FGF12: variants seen among roughly 807,000 people sequenced by gnomAD.
FGF12 encodes fibroblast growth factor 12B.
Under a neutral mutation model 23.6 loss-of-function variants are expected in FGF12, and 14 were observed. The ratio of observed to expected loss-of-function variants is 0.59; its 90% CI spans 0.39 to 0.93. FGF12 has a LOEUF of 0.93. FGF12 is among the 40% of genes least tolerant of loss of function. The probability of loss-of-function intolerance (pLI) is 0.00; values close to 1 mark genes in which losing one functional copy is unlikely to be tolerated. For synonymous variants in FGF12, 62 were observed against 77.3 expected (o/e 0.80, Z 1.04); for missense variants, 175 against 217.8 (o/e 0.80, Z 1.24).
chr3:192,373,177 A>G (rs1306573129), intron 2 of FGF12, among the ~76,000 whole-genome samples: 1 of 151,256 alleles, frequency 6.6e-6, no homozygotes, highest in Non-Finnish European at 1.5e-5. Flanking sequence ...TTTATTATCT[A>G]TTTCCCACTC....
At chr3:192,697,054 C>T (rs575342149) in intron 2 of FGF12, among the ~76,000 whole-genome samples, 17 of 152,012 alleles carry the variant, frequency 1.1e-4, no homozygotes, top group Non-Finnish European at 2.2e-4. Flanking sequence ...CACCCTCCCC[C>T]GCCTCTCAGT....
At chr3:192,585,717 A>C (rs982522760) in intron 2 of FGF12, among the ~76,000 whole-genome samples, 6 of 152,166 alleles carry the variant, frequency 3.9e-5, no homozygotes, top group Non-Finnish European at 7.3e-5. Flanking sequence ...CACAACCAGC[A>C]AAACAACAAC....
intron 2 of FGF12, among the ~76,000 whole-genome samples, chr3:192,421,505 T>C (rs1369543047): frequency 2.0e-5 from 3 of 151,540 alleles, no homozygotes; most frequent in African/African-American, 7.3e-5. Flanking sequence ...AAAGGATGAG[T>C]TCATGTCCTT....
intron 5 of FGF12, among the ~76,000 whole-genome samples, chr3:192,158,208 C>T (rs1714538748): frequency 6.6e-6 from 1 of 152,166 alleles, no homozygotes; most frequent in Non-Finnish European, 1.5e-5. Flanking sequence ...CTCTCTCATG[C>T]TTCGCAAGTT....
intron 4 of FGF12, among the ~76,000 whole-genome samples, chr3:192,234,682 T>C (rs1050153138): frequency 6.6e-6 from 1 of 152,152 alleles, no homozygotes; most frequent in African/African-American, 2.4e-5. Flanking sequence ...TTTGTCAAGA[T>C]GATTCTTATT....
intron 4 of FGF12, among the ~76,000 whole-genome samples, chr3:192,242,208 A>T (rs1489779105): frequency 2.6e-5 from 4 of 152,192 alleles, no homozygotes; most frequent in Non-Finnish European, 5.9e-5. Context: ...AAATAAATAC[A>T]AAAGTAGGTT....
intron 4 of FGF12, among the ~76,000 whole-genome samples, chr3:192,314,542 G>A (rs1716130255): frequency 6.6e-6 from 1 of 152,156 alleles, no homozygotes; most frequent in African/African-American, 2.4e-5. Flanking sequence ...CCAAGCAAAT[G>A]TAAAGAGGCC....
intron 4 of FGF12, among the ~76,000 whole-genome samples, chr3:192,242,235 T>C (rs980016018): frequency 6.6e-6 from 1 of 152,152 alleles, no homozygotes; most frequent in Non-Finnish European, 1.5e-5. Context: ...AAAAATATAA[T>C]AATATAAATA....
chr3:192,699,181 T>A (rs1007709764), intron 2 of FGF12, among the ~76,000 whole-genome samples: 1 of 152,190 alleles, frequency 6.6e-6, no homozygotes, highest in Non-Finnish European at 1.5e-5. Context: ...ACCAGCCATG[T>A]CTTTTTCCTG....
intron 2 of FGF12, among the ~76,000 whole-genome samples, chr3:192,724,382 C>T (rs1211821326): frequency 2.0e-5 from 3 of 151,956 alleles, no homozygotes; most frequent in Non-Finnish European, 4.4e-5. Flanking sequence ...TTTTTTCTTC[C>T]ACCCCAATAT....
At position 192,336,202 on chromosome 3, in the gene FGF12, A is replaced by T. The variant is rs1214675940; in HGVS notation, c.125-738T>A. On this transcript the variant is annotated intron_variant, in intron 3 of 5. Coordinates refer to ENST00000445105, the MANE Select transcript of FGF12 (RefSeq NM_004113.6). This position sits in a 1 kb window ranked among gnomAD's most constrained non-coding sequence, Gnocchi z 4.3. ...TATACACATATATATATGCACACAC[A>T]CACACATATACTCAAAACCATTAAG... 4.0e-5 allele frequency among the ~76,000 whole-genome samples: 6 copies of T among 151,832 alleles called. No homozygotes were observed. Among genetic ancestry groups the T allele is most frequent in the Middle Eastern group, 3.4e-3 (1 of 292 alleles).
At chr3:192,672,283 T>A (rs934691127) in intron 2 of FGF12, among the ~76,000 whole-genome samples, 1 of 151,218 alleles carries the variant, frequency 6.6e-6, no homozygotes, top group African/African-American at 2.4e-5. Context: ...TGGATTTTTA[T>A]AAGTATTTAA....
At chr3:192,662,661 T>G (rs1053958892) in intron 2 of FGF12, among the ~76,000 whole-genome samples, 3 of 152,230 alleles carry the variant, frequency 2.0e-5, no homozygotes, top group South Asian at 2.1e-4. Flanking sequence ...CTACAACTAA[T>G]GCAAGCTTTA....
chr3:192,462,252 T>C (rs1722886836), intron 2 of FGF12, among the ~76,000 whole-genome samples: 2 of 152,202 alleles, frequency 1.3e-5, no homozygotes, highest in African/African-American at 4.8e-5. Flanking sequence ...AAACTCATGT[T>C]GAAACTTAAT....
intron 4 of FGF12, among the ~76,000 whole-genome samples, chr3:192,298,701 G>A (rs763467943): frequency 2.1e-4 from 32 of 152,224 alleles, no homozygotes; most frequent in Non-Finnish European, 4.0e-4. Context: ...GAGCTATCGT[G>A]CCACTGCACT....
chr3:192,666,264 A>T (rs111251251), intron 2 of FGF12, among the ~76,000 whole-genome samples: 7 of 152,266 alleles, frequency 4.6e-5, no homozygotes, highest in African/African-American at 1.4e-4. Context: ...TGCTTAATTT[A>T]AGAATTTATT....
intron 2 of FGF12, among the ~76,000 whole-genome samples, chr3:192,468,925 CCATT>C (rs1357722322): frequency 6.6e-6 from 1 of 152,128 alleles, no homozygotes; most frequent in Admixed American, 6.5e-5. Context: ...CCCTTCTCCC[CCATT>C]CATTCATTTA....
intron 4 of FGF12, among the ~76,000 whole-genome samples, chr3:192,196,240 C>A (rs757662152): frequency 1.9e-4 from 29 of 152,106 alleles, no homozygotes; most frequent in Non-Finnish European, 3.8e-4. Context: ...ATGGAATCAA[C>A]CCAAGTGTTC....
At chr3:192,347,266 C>A (rs1477219102) in intron 3 of FGF12, among the ~76,000 whole-genome samples, 1 of 152,172 alleles carries the variant, frequency 6.6e-6, no homozygotes, top group African/African-American at 2.4e-5. Context: ...ATGAACCAAA[C>A]CTTGCTGCTC....
Sources: allele counts gnomAD v4.1 joint callset (sites outside exome capture counted in the v4.1 genomes callset), GRCh38; gene constraint gnomAD v4.1.1; non-coding constraint Gnocchi (gnomAD v3.1); transcripts MANE v1.5; gene names NCBI Gene and HGNC (gene_info 2026-07-23, HGNC 2026-07-21).